Variants in SEMA6B observed in about 807,000 individuals in gnomAD.
The protein encoded by SEMA6B is semaphorin 6B.
In SEMA6B, 47 loss-of-function variants were observed where a neutral mutation model predicts 78.6. That is an observed-to-expected ratio of 0.60 (90% CI 0.47 to 0.76). The LOEUF (loss-of-function observed/expected upper bound fraction) is 0.76, where lower values mean the gene tolerates loss of function less well. Ranked by LOEUF, SEMA6B falls within the 30% of genes least tolerant of loss-of-function variation. The pLI is 0.00. For missense variants in SEMA6B, 1,213 were observed against 1,269.9 expected, an observed-to-expected ratio of 0.96 and a Z score of 0.68; for synonymous variants, 632 against 592.2, an observed-to-expected ratio of 1.07 and a Z score of -0.98.
chr19:4,545,716 T>C (rs1213811260), intron 16 of SEMA6B: 1 of 153,148 alleles, frequency 6.5e-6, no homozygotes, highest in Non-Finnish European at 1.5e-5. Flanking sequence ...TGTTTCTTGG[T>C]GTCTCTGTTC....
Position 4,544,680 on chromosome 19 carries a change from G to A in SEMA6B, c.1739-151C>T. On this transcript the variant is annotated intron_variant, in intron 16 of 16. Coordinates refer to ENST00000586582, the MANE Select transcript of SEMA6B (RefSeq NM_032108.4). The surrounding 1 kb of genome is among the most constrained non-coding windows in gnomAD (Gnocchi z 5.1). ...AGAAGGAGTCTTCCTTTGTGTGCCA[G>A]GCTGGAGTGCAGTGGGGCGATCTCG... 2.2e-6 allele frequency: 1 copy of A among 453,964 alleles called. No individual in the cohort carries two copies. Among genetic ancestry groups the A allele is most frequent in the Non-Finnish European group, 3.6e-6 (1 of 276,146 alleles). The allele number at this position is 453,964 out of a possible 1,614,324, so 28.1% of individuals were successfully genotyped here.
At position 4,554,876 on chromosome 19, in the gene SEMA6B, CACCA is replaced by C; in HGVS notation, c.682+96_682+99del. ...TCCAAAGATGTGGTGGAAATCTCTC[CACCA>C]AGCTCCTCTGGGACTCTTATTCTGG... On this transcript the variant is annotated intron_variant, in intron 8 of 16. Transcript: ENST00000586582. 4 of 1,396,578 alleles carry C rather than the reference CACCA, an allele frequency of 2.9e-6. No homozygotes were observed. In the East Asian group the frequency reaches 9.3e-5, roughly 32 times the overall value. The allele number at this position is 1,396,578 out of a possible 1,614,324, so 86.5% of individuals were successfully genotyped here. A position where few individuals can be genotyped will look rare whatever the true frequency, so the allele number is the denominator to read the frequency against.
rs578174508 is a variant in SEMA6B, at chr19:4,548,119, C to G, written c.1509G>C (p.Leu503=). 1 of 1,592,224 alleles carries G rather than the reference C, an allele frequency of 6.3e-7. No individual in the cohort carries two copies. Among genetic ancestry groups the G allele is most frequent in the East Asian group, 2.3e-5 (1 of 44,320 alleles). The change falls in exon 14 of 17, where the codon CTG becomes CTC. Residue 503 remains leucine (L), a synonymous_variant. Transcript: ENST00000586582. ...CCAGCAGGCCCCCCGAAGCTGCGTC[C>G]AGCTCCAAGCTCAGCAGCCGCTGCC... ...ETGQRLLSLE[L]DAASGGLLAA...
Position 4,555,067 on chromosome 19 carries a change from G to C in SEMA6B, c.591C>G (p.Thr197=). The change falls in exon 8 of 17, where the codon ACC becomes ACG. Residue 197 remains threonine, a synonymous_variant. Coordinates refer to ENST00000586582, the MANE Select transcript of SEMA6B (RefSeq NM_032108.4). The surrounding 1 kb of genome is among the most constrained non-coding windows in gnomAD (Gnocchi z 6.1). Reference sequence around the variant, plus strand: ...TGACAGCATCAATGGCTAGGAAGTCGGTAACAGTAGCTGTGAAGAGCATCC... The same window carrying C: ...TGACAGCATCAATGGCTAGGAAGTCCGTAACAGTAGCTGTGAAGAGCATCC... ...SDGMLFTATV[T]DFLAIDAVIY... is the part of the protein sequence containing the mutation. 1 of 1,613,932 alleles carries C rather than the reference G, an allele frequency of 6.2e-7. No homozygotes were observed. Among genetic ancestry groups the C allele is most frequent in the South Asian group, 1.1e-5 (1 of 91,090 alleles).
At chr19:4,545,313 C>T (rs1977135797) in intron 16 of SEMA6B, among the ~76,000 whole-genome samples, 1 of 148,914 alleles carries the variant, frequency 6.7e-6, no homozygotes, top group African/African-American at 2.5e-5. Context: ...TGCACTCCAG[C>T]CTGGGTGACA....
Position 4,543,911 on chromosome 19 carries a change from T to G in SEMA6B, c.2357A>C (p.Asp786Ala). 1 of 1,201,054 alleles carries G rather than the reference T, an allele frequency of 8.3e-7. No homozygotes were observed. The highest frequency in any genetic ancestry group is 1.0e-6 in the Non-Finnish European group (1 of 969,092). 74.4% of individuals were successfully genotyped at this position (1,201,054 alleles called of 1,614,324 possible). A position where few individuals can be genotyped will look rare whatever the true frequency, so the allele number is the denominator to read the frequency against. Reference protein sequence around the residue: ...AARPGRASHGDFPLTPHASPD... With the variant: ...AARPGRASHGAFPLTPHASPD... ...GCTGGCGTGGGGGGTGAGCGGGAAG[T>G]CGCCGTGGGAGGCGCGGCCGGGCCG... is the stretch of plus-strand genomic sequence containing the variant. The change falls in exon 17 of 17, where the codon GAC becomes GCC. Residue 786 changes from aspartate to alanine, a missense_variant. Physicochemically the swap from Asp to Ala is moderately radical, Grantham distance 126. Transcript: ENST00000586582.
In SEMA6B at chr19:4,544,256, C is replaced by T; in HGVS notation, c.2012G>A (p.Gly671Asp). Residue 671 changes from glycine to aspartate, a missense_variant, in exon 17 of 17, where the codon GGT (glycine) becomes GAT (aspartate). Physicochemically the swap from Gly to Asp is moderately conservative, Grantham distance 94 (BLOSUM62 -1). Coordinates refer to ENST00000586582, the MANE Select transcript of SEMA6B (RefSeq NM_032108.4). The surrounding 1 kb of genome is among the most constrained non-coding windows in gnomAD (Gnocchi z 5.1). ...GGCCTCCGGGGGAACCCCGGCGCCA[C>T]CGCCACCGCCTCCGCCCCGGCCCCC... Reference protein sequence around the residue: ...GPGGRGGGGGGGAGVPPEALL... With the variant: ...GPGGRGGGGGDGAGVPPEALL... The T allele has an allele frequency of 1.6e-6, 2 of 1,281,670 alleles. No individual in the cohort carries two copies. Among genetic ancestry groups the T allele is most frequent in the Non-Finnish European group, 2.0e-6 (2 of 1,017,970 alleles). The allele number at this position is 1,281,670 out of a possible 1,614,324, so 79.4% of individuals were successfully genotyped here. A position where few individuals can be genotyped will look rare whatever the true frequency, so the allele number is the denominator to read the frequency against.
chr19:4,553,846 TGATG>T (rs1977402180), intron 9 of SEMA6B, among the ~76,000 whole-genome samples: 1 of 149,638 alleles, frequency 6.7e-6, no homozygotes, highest in Non-Finnish European at 1.5e-5. Flanking sequence ...GATGGACAGA[TGATG>T]GATAGATGGA....
Position 4,544,120 on chromosome 19 carries a change from C to A in SEMA6B, c.2148G>T (p.Pro716=). 1.6e-6 allele frequency: 2 copies of A among 1,273,052 alleles called. No homozygotes were observed. Among genetic ancestry groups the A allele is most frequent in the Non-Finnish European group, 2.0e-6 (2 of 1,011,064 alleles). 78.9% of individuals were successfully genotyped at this position (1,273,052 alleles called of 1,614,324 possible). Residue 716 remains proline, a synonymous_variant, in exon 17 of 17, where the codon CCG becomes CCT. Coordinates refer to ENST00000586582, the MANE Select transcript of SEMA6B (RefSeq NM_032108.4). This position sits in a 1 kb window ranked among gnomAD's most constrained non-coding sequence, Gnocchi z 5.1. ...LLPTPEQTPL[P]QKRLPTPHPH... is the part of the protein sequence containing the mutation. ...GGTGCGGAGTGGGCAGGCGCTTCTG[C>A]GGCAGCGGCGTCTGCTCGGGCGTGG...
chr19:4,554,132 T>C (rs552110436), intron 9 of SEMA6B, among the ~76,000 whole-genome samples: 2,591 of 151,372 alleles, frequency 0.017, 31 homozygotes, highest in Non-Finnish European at 0.028. Context: ...GGTGGGTGGG[T>C]GGACAGGTGA....
intron 14 of SEMA6B, 47 bp from the exon 15 acceptor site, chr19:4,546,516 C>A (rs1977173293): frequency 7.1e-7 from 1 of 1,411,198 alleles, no homozygotes; most frequent in South Asian, 1.3e-5. Context: ...AAGTCACTTA[C>A]ACAACCCCAA....
Position 4,542,694 on chromosome 19 carries a change from G to A in SEMA6B, c.*907C>T, listed in dbSNP as rs1227908084. The A allele has an allele frequency of 1.5e-6, 1 of 659,882 alleles. No individual in the cohort carries two copies. Among genetic ancestry groups the A allele is most frequent in the Non-Finnish European group, 2.8e-6 (1 of 359,440 alleles). The allele number at this position is 659,882 out of a possible 1,614,324, so 40.9% of individuals were successfully genotyped here. A position where few individuals can be genotyped will look rare whatever the true frequency, so the allele number is the denominator to read the frequency against. On this transcript the variant is annotated 3_prime_UTR_variant, in exon 17 of 17. Coordinates refer to ENST00000586582, the MANE Select transcript of SEMA6B (RefSeq NM_032108.4). ...GCCACGTGGCATGCATGGTCAGCTGGAGGTCAGAGGGGGGAGGTCACAAGG... is the reference window on the plus strand; with the variant it reads ...GCCACGTGGCATGCATGGTCAGCTGAAGGTCAGAGGGGGGAGGTCACAAGG...
At position 4,552,383 on chromosome 19, in the gene SEMA6B, C is replaced by T. The variant is rs200152893; in HGVS notation, c.989+39G>A. On this transcript the variant is annotated intron_variant, in intron 10 of 16. Transcript: ENST00000586582. This position sits in a 1 kb window ranked among gnomAD's most constrained non-coding sequence, Gnocchi z 7.4. ...TACAGGCCCTCTCTACCCATGCCCACCAAATGCTCCCAGTTTGCTCCCATT... is the reference window on the plus strand; with the variant it reads ...TACAGGCCCTCTCTACCCATGCCCATCAAATGCTCCCAGTTTGCTCCCATT... 4 of 1,540,530 alleles carry T rather than the reference C, an allele frequency of 2.6e-6. No individual in the cohort carries two copies.
intron 5 of SEMA6B, 23 bp from the exon 6 acceptor site, chr19:4,556,112 C>T (rs1052598631): frequency 1.3e-6 from 2 of 1,564,086 alleles, no homozygotes; most frequent in Non-Finnish European, 1.8e-6. Context: ...CAGGAGGAAG[C>T]GGGGAGCGCG....
rs370892574 is a variant in SEMA6B, at chr19:4,550,831, C to T, written c.1089G>A (p.Thr363=). ...GAGGCACCTGATCCTCCGGCACCGG[C>T]GTCCAGATGGACTCGGGGGACTTCT... is the stretch of plus-strand genomic sequence containing the variant. ...REQKSPESIW[T]PVPEDQVPRP... The change falls in exon 11 of 17, where the codon ACG becomes ACA. Residue 363 remains threonine (T), a synonymous_variant. Transcript: ENST00000586582. This position sits in a 1 kb window ranked among gnomAD's most constrained non-coding sequence, Gnocchi z 6.6. 39 of 1,613,418 alleles carry T rather than the reference C, an allele frequency of 2.4e-5. No individual in the cohort carries two copies. In the African/African-American group the frequency reaches 3.7e-4, roughly 15 times the overall value.
In SEMA6B at chr19:4,555,550, C is replaced by G; in HGVS notation, c.486G>C (p.Gln162His). ...TACCGCTGATGTTGTCTCCGACGGG[C>G]TGCAGGGTGTCTATCTGCAGGGACC... ...VCANYSIDTL[Q>H]PVGDNISGMA... Residue 162 changes from glutamine (Q) to histidine (H), a missense_variant, in exon 7 of 17, where the codon CAG becomes CAC. Transcript: ENST00000586582. The surrounding 1 kb of genome is among the most constrained non-coding windows in gnomAD (Gnocchi z 6.1). 6.2e-7 allele frequency: 1 copy of G among 1,613,590 alleles called. No homozygotes were observed. Among genetic ancestry groups the G allele is most frequent in the Non-Finnish European group, 8.5e-7 (1 of 1,179,868 alleles).
intron 12 of SEMA6B, 100 bp from the exon 13 acceptor site, chr19:4,548,545 A>G (rs1568254062): frequency 5.6e-6 from 6 of 1,068,494 alleles, no homozygotes; most frequent in Non-Finnish European, 6.8e-6. Flanking sequence ...AGACACTGAC[A>G]CACCAACACA....
At chr19:4,545,266 G>A (rs1450996027) in intron 16 of SEMA6B, among the ~76,000 whole-genome samples, 3 of 150,676 alleles carry the variant, frequency 2.0e-5, no homozygotes, top group African/African-American at 4.9e-5. Context: ...AATTGAACCC[G>A]GGAGGTGGAG....
chr19:4,554,908 G>A (rs1977427410), intron 8 of SEMA6B, 68 bp downstream of exon 8: 1 of 1,559,672 alleles, frequency 6.4e-7, no homozygotes, highest in African/African-American at 1.4e-5. Flanking sequence ...TATTCTGGTG[G>A]GGAGATTTGA....
Sources: gnomAD v4.1 joint callset for allele counts (sites outside exome capture counted in the v4.1 genomes callset) on GRCh38, gnomAD v4.1.1 for gene constraint, Gnocchi (gnomAD v3.1) non-coding constraint, MANE v1.5 for transcripts, NCBI Gene and HGNC (gene_info 2026-07-23, HGNC 2026-07-21) for gene names.